PDE4D: variants seen among roughly 807,000 people sequenced by gnomAD.
PDE4D encodes 3',5'-cyclic-AMP phosphodiesterase 4D.
Under a neutral mutation model 87.4 loss-of-function variants are expected in PDE4D, and 24 were observed. The ratio of observed to expected loss-of-function variants is 0.27; its 90% CI spans 0.20 to 0.39. PDE4D has a LOEUF of 0.39. Among genes scored for constraint, PDE4D ranks in the 10% least tolerant of loss-of-function variants. The pLI is 1.00. For missense variants in PDE4D, 714 were observed against 1,041.0 expected (o/e 0.69, Z 4.32); for synonymous variants, 384 against 383.2 (o/e 1.00, Z -0.02).
Position 59,685,700 on chromosome 5 carries a change from A to G in PDE4D, c.455+207468T>C, listed in dbSNP as rs575390052. On this transcript the variant is annotated intron_variant, in intron 1 of 14. Transcript: ENST00000340635. ...TAAATCTTCAATTATTTAACATAGC[A>G]TTTTATCTAATTAAAAATAACAGAT... Among the ~76,000 whole-genome samples the G allele has an allele frequency of 2.6e-5, 4 of 151,814 alleles. No individual in the cohort carries two copies. The East Asian group carries it at 7.7e-4, about 29-fold the overall frequency.
chr5:60,081,646 T>G (rs989799671), intron 2 of PDE4D, among the ~76,000 whole-genome samples: 1 of 152,164 alleles, frequency 6.6e-6, no homozygotes, highest in South Asian at 2.1e-4. Context: ...ATTTCATTAT[T>G]GAACCAGGAG....
chr5:59,768,294 G>A (rs1763058117), intron 1 of PDE4D: 4 of 1,598,196 alleles, frequency 2.5e-6, no homozygotes, highest in African/African-American at 1.3e-5. Flanking sequence ...TGTTGCTGCT[G>A]AGAAGCATTC....
chr5:59,194,692 T>C (rs1449097291), intron 2 of PDE4D, among the ~76,000 whole-genome samples: 3 of 152,218 alleles, frequency 2.0e-5, no homozygotes, highest in African/African-American at 7.2e-5. Flanking sequence ...AAGGGGCACC[T>C]GCTCTTTGTA....
At chr5:59,120,335 A>G (rs1303755813) in intron 5 of PDE4D, among the ~76,000 whole-genome samples, 2 of 152,206 alleles carry the variant, frequency 1.3e-5, no homozygotes, top group African/African-American at 2.4e-5. Flanking sequence ...CATATAGTCA[A>G]GTGGTAGCCC....
At chr5:60,112,086 A>T (rs1033139824) in intron 2 of PDE4D, among the ~76,000 whole-genome samples, 1 of 152,090 alleles carries the variant, frequency 6.6e-6, no homozygotes, top group African/African-American at 2.4e-5. Flanking sequence ...TGGTTTCTTC[A>T]TGCTTTACAA....
chr5:60,466,583 C>T (rs1473623900), intron 1 of PDE4D, among the ~76,000 whole-genome samples: 1 of 152,100 alleles, frequency 6.6e-6, no homozygotes, highest in Non-Finnish European at 1.5e-5. Context: ...TTTCTGTGCA[C>T]CACAAGAGAG....
In PDE4D at chr5:59,400,011, C is replaced by T. The variant is rs71626198; in HGVS notation, c.456-184043G>A. ...TCACCATCACTGGCCATCAGAGAAA[C>T]GCAAATCAAAACCACAATGAGATAC... On this transcript the variant is annotated intron_variant, in intron 1 of 14. Transcript: ENST00000340635. 3.5e-4 allele frequency among the ~76,000 whole-genome samples: 39 copies of T among 111,208 alleles called. 5 individuals are homozygous for T. Among genetic ancestry groups the T allele is most frequent in the Admixed American group, 7.9e-4 (9 of 11,396 alleles). 73.0% of individuals were successfully genotyped at this position (111,208 alleles called of 152,430 possible).
intron 1 of PDE4D, among the ~76,000 whole-genome samples, chr5:59,349,115 G>C (rs1453982133): frequency 1.3e-5 from 2 of 151,990 alleles, no homozygotes; most frequent in Admixed American, 6.6e-5. Context: ...ATTCAGACAA[G>C]TTTTAAAGTA....
intron 1 of PDE4D, among the ~76,000 whole-genome samples, chr5:59,330,684 T>C (rs1171781575): frequency 6.6e-6 from 1 of 152,154 alleles, no homozygotes; most frequent in African/African-American, 2.4e-5. Flanking sequence ...GTCTTTTAGT[T>C]TATTTCGTTT....
At chr5:59,504,933 T>C (rs960927070) in intron 1 of PDE4D, among the ~76,000 whole-genome samples, 2 of 127,282 alleles carry the variant, frequency 1.6e-5, no homozygotes, top group Non-Finnish European at 3.6e-5. Context: ...TGTGTGTGTG[T>C]GTGTGTGCGT....
At chr5:60,229,134 G>A (rs1003356384) in intron 1 of PDE4D, among the ~76,000 whole-genome samples, 1 of 152,018 alleles carries the variant, frequency 6.6e-6, no homozygotes, top group African/African-American at 2.4e-5. Flanking sequence ...GCCAAGCATT[G>A]GAAAGCTGAA....
chr5:59,456,921 G>A (rs773098158), intron 1 of PDE4D, among the ~76,000 whole-genome samples: 5 of 152,212 alleles, frequency 3.3e-5, no homozygotes, highest in South Asian at 4.1e-4. Flanking sequence ...ACAAAGAGAT[G>A]AGCAGTTACT....
chr5:59,339,801 G>C (rs1778393376), intron 1 of PDE4D, among the ~76,000 whole-genome samples: 1 of 152,108 alleles, frequency 6.6e-6, no homozygotes, highest in Admixed American at 6.6e-5. Flanking sequence ...AAAGGTCACT[G>C]AATTCAAAAA....
At chr5:60,423,209 A>G (rs190290854) in intron 1 of PDE4D, among the ~76,000 whole-genome samples, 1 of 152,246 alleles carries the variant, frequency 6.6e-6, no homozygotes, top group Non-Finnish European at 1.5e-5. Flanking sequence ...AGACATCTAC[A>G]GAACTCTCCA....
intron 6 of PDE4D, among the ~76,000 whole-genome samples, chr5:59,012,682 A>T (rs1201931339): frequency 6.6e-6 from 1 of 152,226 alleles, no homozygotes; most frequent in African/African-American, 2.4e-5. Flanking sequence ...TAAGAGACTT[A>T]GACTTCTACA....
At chr5:59,519,490 T>C (rs1413156251) in intron 1 of PDE4D, among the ~76,000 whole-genome samples, 3 of 152,220 alleles carry the variant, frequency 2.0e-5, no homozygotes, top group African/African-American at 7.2e-5. Context: ...GTGCAAAGGC[T>C]GTGATGCAGA....
chr5:60,039,174 C>G (rs978735681), intron 2 of PDE4D, among the ~76,000 whole-genome samples: 2 of 152,040 alleles, frequency 1.3e-5, no homozygotes, highest in Non-Finnish European at 2.9e-5. Flanking sequence ...ATAGCAAAGA[C>G]TTGGAACCAA....
chr5:60,045,412 G>A (rs1182253548), intron 2 of PDE4D, among the ~76,000 whole-genome samples: 3 of 152,164 alleles, frequency 2.0e-5, no homozygotes, highest in Non-Finnish European at 4.4e-5. Context: ...ATGGCTTTTG[G>A]TGTTTTAGAC....
chr5:60,121,583 G>C (rs558952637), intron 2 of PDE4D, among the ~76,000 whole-genome samples: 3 of 151,914 alleles, frequency 2.0e-5, no homozygotes, highest in Non-Finnish European at 2.9e-5. Context: ...ACTTATTCAC[G>C]ACCACGAGAA....
Sources: allele counts gnomAD v4.1 joint callset (sites outside exome capture counted in the v4.1 genomes callset), GRCh38; gene constraint gnomAD v4.1.1; transcripts MANE v1.5; gene names NCBI Gene and HGNC (gene_info 2026-07-23, HGNC 2026-07-21).